Variants in TTBK1 observed in about 807,000 individuals in gnomAD.
The protein encoded by TTBK1 is tau tubulin kinase 1.
Under a neutral mutation model 108.5 loss-of-function variants are expected in TTBK1, and 34 were observed. The observed-to-expected ratio is 0.31, with a 90% CI of 0.24 to 0.42. The LOEUF (loss-of-function observed/expected upper bound fraction) is 0.42, where lower values mean the gene tolerates loss of function less well. Ranked by LOEUF, TTBK1 falls within the 10% of genes least tolerant of loss-of-function variation. TTBK1 has a pLI of 1.00. For missense variants in TTBK1, 1,539 were observed against 1,826.0 expected, an observed-to-expected ratio of 0.84 and a Z score of 2.86; for synonymous variants, 809 against 795.1, an observed-to-expected ratio of 1.02 and a Z score of -0.29.
chr6:43,251,136 T>C (rs1327850447), intron 2 of TTBK1, among the ~76,000 whole-genome samples: 1 of 152,242 alleles, frequency 6.6e-6, no homozygotes, highest in African/African-American at 2.4e-5. Context: ...TGCTCCTGTC[T>C]CTTTCTGGAG....
chr6:43,259,847 C>A lies in TTBK1; in HGVS notation c.1424+141C>A. ...AGAGGGTTATACTTGGGCCTGGGGT[C>A]AGACTCAGTTGGGGCCAGAGACAGG... On this transcript the variant is annotated intron_variant, in intron 12 of 14. Transcript: ENST00000259750. This position sits in a 1 kb window ranked among gnomAD's most constrained non-coding sequence, Gnocchi z 6.7. 1 of 869,904 alleles carries A rather than the reference C, an allele frequency of 1.1e-6. No homozygotes were observed. Among genetic ancestry groups the A allele is most frequent in the South Asian group, 2.1e-5 (1 of 47,406 alleles). 53.9% of individuals were successfully genotyped at this position (869,904 alleles called of 1,614,324 possible). A position where few individuals can be genotyped will look rare whatever the true frequency, so the allele number is the denominator to read the frequency against.
At chr6:43,280,873 G>C (rs750367223) in intron 13 of TTBK1, among the ~76,000 whole-genome samples, 5 of 152,126 alleles carry the variant, frequency 3.3e-5, no homozygotes, top group Non-Finnish European at 7.4e-5. Flanking sequence ...TGTGCAGAGA[G>C]GAGGTGAGAG....
Position 43,257,774 on chromosome 6 carries a change from T to C in TTBK1, c.862-38T>C. ...CCCTTCCTCCTGGCTAGCCCCCGGA[T>C]CACCTCTCTGTCCTCCCATCACCCT... is the stretch of plus-strand genomic sequence containing the variant. On this transcript the variant is annotated intron_variant, in intron 9 of 14. Transcript: ENST00000259750. This position sits in a 1 kb window ranked among gnomAD's most constrained non-coding sequence, Gnocchi z 4.5. 1 of 1,586,706 alleles carries C rather than the reference T, an allele frequency of 6.3e-7. No individual in the cohort carries two copies. Among genetic ancestry groups the C allele is most frequent in the Non-Finnish European group, 8.6e-7 (1 of 1,162,220 alleles).
In TTBK1 at chr6:43,263,115, G is replaced by A. The variant is rs775521948; in HGVS notation, c.1751G>A (p.Arg584Gln). ...CCACTGCCCGAGGAGGGCGAAGAGC[G>A]GCGGCGGCTGGGGGCAGAGCCCACC... ...LRPLPEEGEE[R>Q]RRLGAEPTVR... The change falls in exon 13 of 15, where the codon CGG (arginine) becomes CAG (glutamine). Residue 584 changes from arginine to glutamine, a missense_variant. Arg to Gln is a conservative substitution (Grantham distance 43). Coordinates refer to ENST00000259750, the MANE Select transcript of TTBK1 (RefSeq NM_032538.3). The surrounding 1 kb of genome is among the most constrained non-coding windows in gnomAD (Gnocchi z 4.7). The A allele has an allele frequency of 6.6e-5, 103 of 1,566,160 alleles. No homozygotes were observed. The highest frequency in any genetic ancestry group is 8.4e-5 in the Non-Finnish European group (97 of 1,154,656).
At chr6:43,254,002 T>G (rs370024940) in intron 5 of TTBK1, among the ~76,000 whole-genome samples, 1 of 151,882 alleles carries the variant, frequency 6.6e-6, no homozygotes, top group African/African-American at 2.4e-5. Flanking sequence ...CCTAGGAAGG[T>G]GAAGGGGCTG....
chr6:43,262,579 T>C (rs774567211), intron 12 of TTBK1, among the ~76,000 whole-genome samples: 2 of 152,116 alleles, frequency 1.3e-5, no homozygotes, highest in Non-Finnish European at 2.9e-5. Flanking sequence ...AATGAATGAA[T>C]GAACGAACGA....
At position 43,259,424 on chromosome 6, in the gene TTBK1, C is replaced by A; in HGVS notation, c.1249-107C>A. The A allele has an allele frequency of 7.3e-7, 1 of 1,364,160 alleles. No homozygotes were observed. Among genetic ancestry groups the A allele is most frequent in the East Asian group, 2.4e-5 (1 of 41,026 alleles). The allele number at this position is 1,364,160 out of a possible 1,614,324, so 84.5% of individuals were successfully genotyped here. A position where few individuals can be genotyped will look rare whatever the true frequency, so the allele number is the denominator to read the frequency against. On this transcript the variant is annotated intron_variant, in intron 11 of 14. Transcript: ENST00000259750. This position sits in a 1 kb window ranked among gnomAD's most constrained non-coding sequence, Gnocchi z 6.7. ...TCCCGGTCCCTCCCCGCACTAGCCT[C>A]GCTGTGTCTTCCATCATCATCATCC...
In TTBK1 at chr6:43,269,587, G is replaced by GCTGT. The variant is rs1305149263; in HGVS notation, c.1986+6239_1986+6242dup. The GCTGT allele has an allele frequency of 1.0e-5, 16 of 1,530,182 alleles. No individual in the cohort carries two copies. Among genetic ancestry groups the GCTGT allele is most frequent in the Middle Eastern group, 1.7e-4 (1 of 5,746 alleles). The allele number at this position is 1,530,182 out of a possible 1,614,324, so 94.8% of individuals were successfully genotyped here. On this transcript the variant is annotated intron_variant, in intron 13 of 14. Coordinates refer to ENST00000259750, the MANE Select transcript of TTBK1 (RefSeq NM_032538.3). The surrounding 1 kb of genome is among the most constrained non-coding windows in gnomAD (Gnocchi z 4.8). ...AGCGGTGGGTGGCCCCGGAGACGGAGCTGTCGAGTCTGTGCCTGACACCTC... is the reference window on the plus strand; with the variant it reads ...AGCGGTGGGTGGCCCCGGAGACGGAGCTGTCTGTCGAGTCTGTGCCTGACACCTC...
Position 43,269,367 on chromosome 6 carries a change from G to A in TTBK1, c.1986+6017G>A, listed in dbSNP as rs1777762690. On this transcript the variant is annotated intron_variant, in intron 13 of 14. Transcript: ENST00000259750. This position sits in a 1 kb window ranked among gnomAD's most constrained non-coding sequence, Gnocchi z 4.8. The stretch of plus-strand genomic sequence containing the variant: ...TAGGACTAAGCCAGGAAGGCTTCTC[G>A]GAGGAGGTGAGTGACCATGGTCTCC... 6.6e-6 allele frequency among the ~76,000 whole-genome samples: 1 copy of A among 152,220 alleles called. No individual in the cohort carries two copies. The highest frequency in any genetic ancestry group is 2.1e-4 in the South Asian group (1 of 4,830).
Position 43,259,752 on chromosome 6 carries a change from G to T in TTBK1, c.1424+46G>T. On this transcript the variant is annotated intron_variant, in intron 12 of 14. Transcript: ENST00000259750. This position sits in a 1 kb window ranked among gnomAD's most constrained non-coding sequence, Gnocchi z 6.7. ...ATGGTTGGGGCCCAAGGCCCTCTCC[G>T]CCTTCACGTGGCTGGTCTGGAGGAA... 6.8e-7 allele frequency: 1 copy of T among 1,479,424 alleles called. No homozygotes were observed. The highest frequency in any genetic ancestry group is 2.5e-5 in the East Asian group (1 of 39,802). The allele number at this position is 1,479,424 out of a possible 1,614,324, so 91.6% of individuals were successfully genotyped here. A position where few individuals can be genotyped will look rare whatever the true frequency, so the allele number is the denominator to read the frequency against.
Position 43,285,538 on chromosome 6 carries a change from G to A in TTBK1, c.*162G>A. On this transcript the variant is annotated 3_prime_UTR_variant, in exon 15 of 15. Transcript: ENST00000259750. This position sits in a 1 kb window ranked among gnomAD's most constrained non-coding sequence, Gnocchi z 4.7. Reference sequence around the variant, plus strand: ...CGCGAGGACGCGCGCGAGCACACGCGGCGCCCCGCCAGGCCTTAGGGCCCG... The same window carrying A: ...CGCGAGGACGCGCGCGAGCACACGCAGCGCCCCGCCAGGCCTTAGGGCCCG... 2 of 992,228 alleles carry A rather than the reference G, an allele frequency of 2.0e-6. No homozygotes were observed. Among genetic ancestry groups the A allele is most frequent in the African/African-American group, 1.7e-5 (1 of 59,022 alleles). 61.5% of individuals were successfully genotyped at this position (992,228 alleles called of 1,614,324 possible). A position where few individuals can be genotyped will look rare whatever the true frequency, so the allele number is the denominator to read the frequency against.
At chr6:43,248,844 C>T (rs182252301) in intron 2 of TTBK1, among the ~76,000 whole-genome samples, 11 of 152,248 alleles carry the variant, frequency 7.2e-5, no homozygotes, top group Non-Finnish European at 2.9e-5. Context: ...ACATCTTATT[C>T]ATCTTGAGGG....
rs1294885037 is a variant in TTBK1 at position 43,263,514 on chromosome 6, G to A, written c.1986+164G>A. Among the ~76,000 whole-genome samples the A allele has an allele frequency of 1.3e-5, 2 of 152,248 alleles. No individual in the cohort carries two copies. Among genetic ancestry groups the A allele is most frequent in the African/African-American group, 4.8e-5 (2 of 41,468 alleles). ...TAAGGGTCTGAAACCATGTTTGAGG[G>A]GCAGGCAAGGCTTCCCAGAGGAAGT... On this transcript the variant is annotated intron_variant, in intron 13 of 14. Transcript: ENST00000259750. The surrounding 1 kb of genome is among the most constrained non-coding windows in gnomAD (Gnocchi z 4.7).
In TTBK1 at chr6:43,285,579, C is replaced by T. The variant is rs938175247; in HGVS notation, c.*203C>T. 6 of 565,988 alleles carry T rather than the reference C, an allele frequency of 1.1e-5. No homozygotes were observed. Among genetic ancestry groups the T allele is most frequent in the Non-Finnish European group, 1.5e-5 (6 of 392,860 alleles). The allele number at this position is 565,988 out of a possible 1,614,324, so 35.1% of individuals were successfully genotyped here. On this transcript the variant is annotated 3_prime_UTR_variant, in exon 15 of 15. Coordinates refer to ENST00000259750, the MANE Select transcript of TTBK1 (RefSeq NM_032538.3). This position sits in a 1 kb window ranked among gnomAD's most constrained non-coding sequence, Gnocchi z 4.7. ...TTAGGGCCCGTGGGGGACGCGGCCC[C>T]GCGCCGCGGGGAGGGTCTGCCTCCC... is the stretch of plus-strand genomic sequence containing the variant.
At position 43,246,632 on chromosome 6, in the gene TTBK1, C is replaced by A. The variant is rs767008606; in HGVS notation, c.-29C>A. ...GTAGATGGCCCCCTCAGGGCAGGCC[C>A]GGCGGACACCCCTCCCTCTGGCTGG... On this transcript the variant is annotated 5_prime_UTR_variant, in exon 2 of 15. Coordinates refer to ENST00000259750, the MANE Select transcript of TTBK1 (RefSeq NM_032538.3). 1.3e-6 allele frequency: 2 copies of A among 1,569,716 alleles called. No homozygotes were observed. Among genetic ancestry groups the A allele is most frequent in the East Asian group, 4.5e-5 (2 of 44,186 alleles).
chr6:43,283,728 T>C lies in TTBK1; in HGVS notation c.2988T>C (p.Ser996=). Residue 996 remains serine (S), a synonymous_variant, in exon 14 of 15, where the codon TCT becomes TCC. Coordinates refer to ENST00000259750, the MANE Select transcript of TTBK1 (RefSeq NM_032538.3). The surrounding 1 kb of genome is among the most constrained non-coding windows in gnomAD (Gnocchi z 8.1). ...TGAATGGGGCTGAGATAGAGGGCTC[T>C]GCCCTGTCTGGGGCCCCCCGGGAAA... The part of the protein sequence containing the change: ...SGLNGAEIEG[S]ALSGAPRETP... 6.2e-7 allele frequency: 1 copy of C among 1,612,196 alleles called. No individual in the cohort carries two copies. Among genetic ancestry groups the C allele is most frequent in the Non-Finnish European group, 8.5e-7 (1 of 1,179,234 alleles).
At chr6:43,258,087 T>C (rs187255755) in intron 10 of TTBK1, 121 bp downstream of exon 10, 12 of 1,180,922 alleles carry the variant, frequency 1.0e-5, no homozygotes, top group Non-Finnish European at 1.3e-5. Context: ...CTATCCTTAG[T>C]GGAGTTCTGG....
In TTBK1 at chr6:43,264,630, T is replaced by A. The variant is rs548644566; in HGVS notation, c.1986+1280T>A. On this transcript the variant is annotated intron_variant, in intron 13 of 14. Transcript: ENST00000259750. ...TGAGAGGAGAAGGAGCTCTGCATGATGAGTGAGAGGGAGAGGTCGGAGCAT... is the reference window on the plus strand; with the variant it reads ...TGAGAGGAGAAGGAGCTCTGCATGAAGAGTGAGAGGGAGAGGTCGGAGCAT... 5.3e-5 allele frequency among the ~76,000 whole-genome samples: 8 copies of A among 151,968 alleles called. No individual in the cohort carries two copies. In the East Asian group the frequency reaches 1.5e-3, roughly 29 times the overall value.
At chr6:43,260,911 C>T (rs1777524153) in intron 12 of TTBK1, among the ~76,000 whole-genome samples, 1 of 151,948 alleles carries the variant, frequency 6.6e-6, no homozygotes, top group African/African-American at 2.4e-5. Context: ...TCCAACCCTC[C>T]GTCTGAGCTC....
Sources: allele counts gnomAD v4.1 joint callset (sites outside exome capture counted in the v4.1 genomes callset), GRCh38; gene constraint gnomAD v4.1.1; non-coding constraint Gnocchi (gnomAD v3.1); transcripts MANE v1.5; gene names NCBI Gene and HGNC (gene_info 2026-07-23, HGNC 2026-07-21).